GSE1: variants seen among roughly 807,000 people sequenced by gnomAD.
The protein encoded by GSE1 is Gse1 coiled-coil protein.
Under a neutral mutation model 112.6 loss-of-function variants are expected in GSE1, and 32 were observed. The ratio of observed to expected loss-of-function variants is 0.28; its 90% CI spans 0.21 to 0.38. The LOEUF is 0.38. Ranked by LOEUF, GSE1 falls within the 10% of genes least tolerant of loss-of-function variation. The pLI, the probability that GSE1 is intolerant of heterozygous loss-of-function variation, is 1.00. For missense variants in GSE1, 2,348 were observed against 1,699.2 expected, an observed-to-expected ratio of 1.38 and a Z score of -6.71; for synonymous variants, 1,115 against 735.6, an observed-to-expected ratio of 1.52 and a Z score of -8.35.
At chr16:85,623,631 C>T (rs567971504) in intron 1 of GSE1, among the ~76,000 whole-genome samples, 8 of 152,312 alleles carry the variant, frequency 5.3e-5, no homozygotes, top group East Asian at 1.9e-4. Context: ...GTGAGGACCC[C>T]GGTGCCTGCA....
chr16:85,340,802 T>A (rs576086811), intron 1 of GSE1, among the ~76,000 whole-genome samples: 1 of 152,098 alleles, frequency 6.6e-6, no homozygotes, highest in Non-Finnish European at 1.5e-5. Context: ...GCTGACAGGC[T>A]CTGCAGGTGG....
chr16:85,287,890 T>C (rs2151434764), intron 1 of GSE1, among the ~76,000 whole-genome samples: 1 of 152,282 alleles, frequency 6.6e-6, no homozygotes, highest in East Asian at 1.9e-4. Flanking sequence ...GAATAATGCC[T>C]GCGCACAGTA....
intron 1 of GSE1, among the ~76,000 whole-genome samples, chr16:85,173,499 C>G (rs1707662295): frequency 6.6e-6 from 1 of 152,192 alleles, no homozygotes; most frequent in South Asian, 2.1e-4. Context: ...GTCCTCCACC[C>G]TGGTGCATAG....
At chr16:85,352,229 C>G (rs1242414323) in intron 1 of GSE1, among the ~76,000 whole-genome samples, 1 of 152,194 alleles carries the variant, frequency 6.6e-6, no homozygotes, top group Non-Finnish European at 1.5e-5. Flanking sequence ...CTGGAGAAAG[C>G]ATAACAATGC....
At chr16:85,664,257 T>A (rs912316634) in intron 11 of GSE1, among the ~76,000 whole-genome samples, 1 of 152,224 alleles carries the variant, frequency 6.6e-6, no homozygotes, top group Non-Finnish European at 1.5e-5. Flanking sequence ...CCCTGCCCCT[T>A]ACGCACGCTT....
chr16:85,334,027 A>G (rs540144005), intron 1 of GSE1, among the ~76,000 whole-genome samples: 1 of 152,318 alleles, frequency 6.6e-6, no homozygotes, highest in East Asian at 1.9e-4. Flanking sequence ...TCTGTCCTCC[A>G]GGGCGTGGAC....
intron 2 of GSE1, chr16:85,359,430 T>C (rs758684075): frequency 2.2e-6 from 1 of 455,862 alleles, no homozygotes; most frequent in African/African-American, 2.0e-5. Flanking sequence ...TGGCTGTGGT[T>C]TGGGGAGCAG....
At chr16:85,420,181 G>GT (rs774892664) in intron 2 of GSE1, among the ~76,000 whole-genome samples, 1 of 152,110 alleles carries the variant, frequency 6.6e-6, no homozygotes, top group Admixed American at 6.5e-5. Context: ...GAAGCCAGGA[G>GT]TTCGAAACCA....
rs550504915 is a variant in GSE1 at position 85,413,068 on chromosome 16, C to T, written c.2464+55425C>T. Among the ~76,000 whole-genome samples, 31 of 152,322 alleles carry T rather than the reference C, an allele frequency of 2.0e-4. 1 individual carries two copies. The highest frequency in any genetic ancestry group is 4.8e-4 in the African/African-American group (20 of 41,580). On this transcript the variant is annotated intron_variant, in intron 2 of 2. Transcript: ENST00000637419. The stretch of plus-strand genomic sequence containing the variant: ...TGCTGCTGCTGGAGGGGCCGCCCCA[C>T]GGAGCCCCTGCTGCTCTGCTTGTCT...
chr16:85,478,707 G>A (rs375260900), intron 2 of GSE1, among the ~76,000 whole-genome samples: 51 of 150,600 alleles, frequency 3.4e-4, no homozygotes, highest in African/African-American at 9.2e-4. Context: ...TGGCTCTGTC[G>A]CCCAGGCTGG....
At chr16:85,639,080 C>A (rs148451947) in intron 2 of GSE1, among the ~76,000 whole-genome samples, 6 of 152,346 alleles carry the variant, frequency 3.9e-5, no homozygotes, top group Middle Eastern at 3.4e-3. Context: ...CAGCCCCTTC[C>A]CAGCGACCGG....
In GSE1 at chr16:85,255,204, C is replaced by T. The variant is rs534145972; in HGVS notation, c.2283+83397C>T. On this transcript the variant is annotated intron_variant, in intron 1 of 2. Coordinates refer to the GSE1 transcript ENST00000637419. Reference sequence around the variant, plus strand: ...TGTCCACACCACCCCACCCGCTCCCCAGCCCTTCCAGAGGCTTCTCCCCCG... The same window carrying T: ...TGTCCACACCACCCCACCCGCTCCCTAGCCCTTCCAGAGGCTTCTCCCCCG... 3.3e-5 allele frequency among the ~76,000 whole-genome samples: 5 copies of T among 152,308 alleles called. No individual in the cohort carries two copies. The South Asian group carries it at 1.0e-3, about 32-fold the overall frequency.
intron 1 of GSE1, among the ~76,000 whole-genome samples, chr16:85,214,182 T>C (rs542717125): frequency 6.6e-6 from 1 of 152,150 alleles, no homozygotes; most frequent in South Asian, 2.1e-4. Flanking sequence ...CGGCCTCCGC[T>C]CACCCACGAG....
intron 1 of GSE1, among the ~76,000 whole-genome samples, chr16:85,316,622 G>T (rs1407945978): frequency 6.6e-6 from 1 of 152,206 alleles, no homozygotes; most frequent in East Asian, 1.9e-4. Context: ...TCAGTGCTCT[G>T]CCCTCCACGG....
In GSE1 at chr16:85,615,716, T is replaced by C. The variant is rs542636277; in HGVS notation, c.7+2318T>C. 3.9e-5 allele frequency among the ~76,000 whole-genome samples: 6 copies of C among 152,348 alleles called. No individual in the cohort carries two copies. In the South Asian group the frequency reaches 1.2e-3, roughly 32 times the overall value. On this transcript the variant is annotated intron_variant, in intron 1 of 15. Coordinates refer to ENST00000253458, the MANE Select transcript of GSE1 (RefSeq NM_014615.5). ...GCTCTGAGCTGTTTGGGACAGTTTTTAGGATCTTGGAGTGTCAGAGTTCAA... is the reference window on the plus strand; with the variant it reads ...GCTCTGAGCTGTTTGGGACAGTTTTCAGGATCTTGGAGTGTCAGAGTTCAA...
At chr16:85,633,161 C>T (rs373529339) in intron 1 of GSE1, among the ~76,000 whole-genome samples, 27 of 152,210 alleles carry the variant, frequency 1.8e-4, no homozygotes, top group South Asian at 4.1e-4. Context: ...TTAGCATCTC[C>T]GGGCAGACTC....
At chr16:85,649,950 G>C (rs1052253004) in intron 3 of GSE1, among the ~76,000 whole-genome samples, 1 of 152,146 alleles carries the variant, frequency 6.6e-6, no homozygotes, top group East Asian at 1.9e-4. Flanking sequence ...CCCTGATCCA[G>C]GGTCCCAGTG....
chr16:85,528,035 C>T (rs1182528532), intron 2 of GSE1, among the ~76,000 whole-genome samples: 2 of 152,126 alleles, frequency 1.3e-5, no homozygotes, highest in African/African-American at 4.8e-5. Context: ...CAGAGGTGGG[C>T]AGGGGTGTGG....
At chr16:85,534,672 C>T (rs1271828877) in intron 2 of GSE1, among the ~76,000 whole-genome samples, 2 of 152,158 alleles carry the variant, frequency 1.3e-5, no homozygotes, top group Admixed American at 6.5e-5. Context: ...CTGGTCGTGC[C>T]GCCGTGAGCT....
Sources: allele counts gnomAD v4.1 joint callset (sites outside exome capture counted in the v4.1 genomes callset), GRCh38; gene constraint gnomAD v4.1.1; transcripts MANE v1.5; gene names NCBI Gene and HGNC (gene_info 2026-07-23, HGNC 2026-07-21).